Variants in SVEP1 observed in about 807,000 individuals in gnomAD.
The protein encoded by SVEP1 is sushi, von Willebrand factor type A, EGF and pentraxin domain containing 1, also known as sushi, von Willebrand factor type A, EGF and pentraxin domain-containing protein 1.
SVEP1 carries 164 observed loss-of-function variants against 367.3 expected under a neutral mutation model. The ratio of observed to expected loss-of-function variants is 0.45; its 90% CI spans 0.39 to 0.51. The LOEUF is 0.51. Among genes scored for constraint, SVEP1 ranks in the 20% least tolerant of loss-of-function variants. The pLI is 0.00. For synonymous variants in SVEP1, 1,666 were observed against 1,611.6 expected, an observed-to-expected ratio of 1.03 and a Z score of -0.81; for missense variants, 4,117 against 4,425.3, an observed-to-expected ratio of 0.93 and a Z score of 1.98.
rs1828401785 is a variant in SVEP1 at position 110,434,492 on chromosome 9, C to CT, written c.4902dup (p.Gly1635ArgfsTer12). 1 of 1,612,998 alleles carries CT rather than the reference C, an allele frequency of 6.2e-7. No homozygotes were observed. Among genetic ancestry groups the CT allele is most frequent in the Non-Finnish European group, 8.5e-7 (1 of 1,179,578 alleles). ...GTTCTCAGATGAGGCACTGACCCTC[C>CT]TAAGCGTGGGCAATCTGAGGGCAAA... On this transcript the variant is annotated frameshift_variant, in exon 30 of 48. Coordinates refer to ENST00000374469, the MANE Select transcript of SVEP1 (RefSeq NM_153366.4). LOFTEE classifies it high-confidence loss of function.
intron 3 of SVEP1, among the ~76,000 whole-genome samples, chr9:110,517,481 C>T (rs1445450330): frequency 6.6e-6 from 1 of 151,504 alleles, no homozygotes; most frequent in African/African-American, 2.4e-5. Context: ...GTCTGTAATC[C>T]CAGCTACTTG....
At position 110,379,408 on chromosome 9, in the gene SVEP1, C is replaced by T. The variant is rs374610841; in HGVS notation, c.10347G>A (p.Glu3449=). ...CTAAACAAACACTCCTCAGGAAACCCTCCAACATGTATCCACTGTAACATG... is the reference window on the plus strand; with the variant it reads ...CTAAACAAACACTCCTCAGGAAACCTTCCAACATGTATCCACTGTAACATG... ...TYSCYSGYML[E]GFLRSVCLEN... The change falls in exon 44 of 48, where the codon GAG becomes GAA. Residue 3449 remains glutamate (E), a synonymous_variant. Transcript: ENST00000374469. The T allele has an allele frequency of 9.3e-6, 15 of 1,613,664 alleles. No homozygotes were observed. Among genetic ancestry groups the T allele is most frequent in the Non-Finnish European group, 1.3e-5 (15 of 1,179,792 alleles).
At chr9:110,482,968 T>G (rs754664131) in intron 10 of SVEP1, among the ~76,000 whole-genome samples, 3 of 152,174 alleles carry the variant, frequency 2.0e-5, no homozygotes, top group Non-Finnish European at 4.4e-5. Flanking sequence ...AATAGTAGAT[T>G]CAACAACCCC....
intron 12 of SVEP1, among the ~76,000 whole-genome samples, chr9:110,480,703 T>A (rs1829172027): frequency 2.0e-5 from 3 of 152,026 alleles, no homozygotes; most frequent in Admixed American, 2.0e-4. Flanking sequence ...GTGATCAAAG[T>A]TCCCTGCAGT....
At chr9:110,475,931 A>G (rs899022173) in intron 14 of SVEP1, 19 of 317,386 alleles carry the variant, frequency 6.0e-5, no homozygotes, top group Non-Finnish European at 9.2e-5. Context: ...GGATACATCA[A>G]CATTTGAATT....
In SVEP1 at chr9:110,391,952, A is replaced by G. The variant is rs1173303464; in HGVS notation, c.9823-2365T>C. 2.0e-5 allele frequency among the ~76,000 whole-genome samples: 3 copies of G among 151,816 alleles called. No homozygotes were observed. In the East Asian group the frequency reaches 5.8e-4, roughly 29 times the overall value. On this transcript the variant is annotated intron_variant, in intron 40 of 47. Transcript: ENST00000374469. Reference sequence around the variant, plus strand: ...GGAAATGGCCCTCTTTTTCTTCCTCACCACTTGAGTTGGGACTCATCTCCT... The same window carrying G: ...GGAAATGGCCCTCTTTTTCTTCCTCGCCACTTGAGTTGGGACTCATCTCCT...
intron 36 of SVEP1, among the ~76,000 whole-genome samples, chr9:110,424,382 C>T (rs921142744): frequency 1.3e-5 from 2 of 151,982 alleles, no homozygotes; most frequent in Non-Finnish European, 2.9e-5. Flanking sequence ...AAAATCAAAG[C>T]TTCAAAAGGA....
chr9:110,390,997 A>T (rs1168696188), intron 40 of SVEP1, among the ~76,000 whole-genome samples: 1 of 152,156 alleles, frequency 6.6e-6, no homozygotes, highest in African/African-American at 2.4e-5. Flanking sequence ...AAATCATTTA[A>T]CAATAATTAT....
At position 110,555,279 on chromosome 9, in the gene SVEP1, C is replaced by A. The variant is rs531721181; in HGVS notation, c.532-5175G>T. Among the ~76,000 whole-genome samples, 4 of 151,166 alleles carry A rather than the reference C, an allele frequency of 2.6e-5. No individual in the cohort carries two copies. In the South Asian group the frequency reaches 8.4e-4, roughly 32 times the overall value. On this transcript the variant is annotated intron_variant, in intron 1 of 47. Coordinates refer to ENST00000374469, the MANE Select transcript of SVEP1 (RefSeq NM_153366.4). The stretch of plus-strand genomic sequence containing the variant: ...GTGATATTCTCAATAGTGCCGGGCA[C>A]AGAGTACATGTTCATAACTATTTCT...
At position 110,398,618 on chromosome 9, in the gene SVEP1, T is replaced by C. The variant is rs138823337; in HGVS notation, c.9822+2236A>G. Among the ~76,000 whole-genome samples the C allele has an allele frequency of 8.0e-3, 1,220 of 152,140 alleles. 18 individuals are homozygous for C. The highest frequency in any genetic ancestry group is 0.027 in the African/African-American group (1,131 of 41,480). The stretch of plus-strand genomic sequence containing the variant: ...TCTGACAAAGGGCTAATACCCAGAA[T>C]CTACAATGAACACAAACAAATTTAT... On this transcript the variant is annotated intron_variant, in intron 40 of 47. Transcript: ENST00000374469.
intron 36 of SVEP1, among the ~76,000 whole-genome samples, chr9:110,415,302 C>G (rs1249537404): frequency 1.3e-5 from 2 of 151,914 alleles, no homozygotes; most frequent in Non-Finnish European, 2.9e-5. Context: ...AAGCACAACA[C>G]CAGTATAGGA....
chr9:110,494,340 A>G (rs369523013), intron 8 of SVEP1, among the ~76,000 whole-genome samples: 14 of 152,178 alleles, frequency 9.2e-5, no homozygotes, highest in African/African-American at 3.4e-4. Context: ...TCTGAGCCGC[A>G]AGAGGAAAAA....
At chr9:110,458,635 C>G in intron 19 of SVEP1, 73 bp from the exon 20 acceptor site, 1 of 1,419,176 alleles carries the variant, frequency 7.0e-7, no homozygotes, top group Non-Finnish European at 9.6e-7. Flanking sequence ...ACACTATGGT[C>G]AAGATTCTGG....
chr9:110,409,368 G>A (rs1242984585), intron 37 of SVEP1, among the ~76,000 whole-genome samples: 1 of 152,154 alleles, frequency 6.6e-6, no homozygotes, highest in Non-Finnish European at 1.5e-5. Context: ...GTTGCAGTGA[G>A]CTGAGATTGT....
At chr9:110,432,205 T>C (rs998873018) in intron 31 of SVEP1, among the ~76,000 whole-genome samples, 171 bp from the exon 32 acceptor site, 1 of 152,216 alleles carries the variant, frequency 6.6e-6, no homozygotes, top group Non-Finnish European at 1.5e-5. Context: ...CAATAAAAGC[T>C]ATTATTTCCC....
At chr9:110,378,703 T>C (rs59298757) in intron 44 of SVEP1, among the ~76,000 whole-genome samples, 4,348 of 141,540 alleles carry the variant, frequency 0.031, 216 homozygotes, top group African/African-American at 0.11. Flanking sequence ...CAGGTGGGAA[T>C]TGAACGATGA....
In SVEP1 at chr9:110,411,728, G is replaced by A. The variant is rs1828047900; in HGVS notation, c.5983C>T (p.Leu1995Phe). ...VTYTCKEGYT[L>F]AGLDTIECLA... ...CATTCAATGGTGTCAAGACCAGCAAGAGTATAGCTGTGAGGTTGGGAAGAA... is the reference window on the plus strand; with the variant it reads ...CATTCAATGGTGTCAAGACCAGCAAAAGTATAGCTGTGAGGTTGGGAAGAA... The change falls in exon 37 of 48, where the codon CTT becomes TTT. Residue 1995 changes from leucine to phenylalanine, a missense_variant. Physicochemically the swap from Leu to Phe is conservative, Grantham distance 22. This residue lies in a region of SVEP1 where 2,174 missense variants were observed against 2,494.3 expected (regional missense o/e 0.87). Transcript: ENST00000374469. 5.2e-6 allele frequency: 8 copies of A among 1,553,206 alleles called. No homozygotes were observed. The highest frequency in any genetic ancestry group is 6.1e-6 in the Non-Finnish European group (7 of 1,147,792).
chr9:110,405,168 TTATTCTA>T (rs1827936283), intron 38 of SVEP1, among the ~76,000 whole-genome samples: 1 of 152,222 alleles, frequency 6.6e-6, no homozygotes, highest in Non-Finnish European at 1.5e-5. Context: ...GAATTCATTT[TTATTCTA>T]TAAACAGCTA....
At chr9:110,503,329 A>G in intron 5 of SVEP1, 112 bp from the exon 6 acceptor site, 1 of 1,087,038 alleles carries the variant, frequency 9.2e-7, no homozygotes, top group South Asian at 1.6e-5. Context: ...CTTTTCTTAA[A>G]ATAGCAAACG....
Sources: gnomAD v4.1 joint callset for allele counts (sites outside exome capture counted in the v4.1 genomes callset) on GRCh38, gnomAD v4.1.1 for gene constraint, gnomAD v4.1.1 regional missense constraint, MANE v1.5 for transcripts, NCBI Gene and HGNC (gene_info 2026-07-23, HGNC 2026-07-21) for gene names.